Variants in PLXDC2 observed in about 807,000 individuals in gnomAD.
PLXDC2 encodes plexin domain containing 2.
PLXDC2 carries 40 observed loss-of-function variants against 68.9 expected under a neutral mutation model. The observed-to-expected ratio is 0.58, with a 90% CI of 0.45 to 0.76. The LOEUF is 0.76. Among genes scored for constraint, PLXDC2 ranks in the 30% least tolerant of loss-of-function variants. PLXDC2 has a pLI of 0.00. For missense variants in PLXDC2, 644 were observed against 661.9 expected, an observed-to-expected ratio of 0.97 and a Z score of 0.30; for synonymous variants, 243 against 234.2, an observed-to-expected ratio of 1.04 and a Z score of -0.34.
At chr10:20,207,593 A>G (rs1233828223) in intron 9 of PLXDC2, among the ~76,000 whole-genome samples, 1 of 152,168 alleles carries the variant, frequency 6.6e-6, no homozygotes. Flanking sequence ...ATACATCCCC[A>G]TCTTCCAAAA....
chr10:20,015,162 G>A (rs1165374182), intron 2 of PLXDC2, among the ~76,000 whole-genome samples: 1 of 152,164 alleles, frequency 6.6e-6, no homozygotes, highest in Non-Finnish European at 1.5e-5. Context: ...TCCTCTCTCT[G>A]CTCAATGGCC....
chr10:20,287,866 G>A lies in PLXDC2; in HGVS notation c.*8047G>A, dbSNP rs1034815655. 4 of 151,536 alleles carry A rather than the reference G, an allele frequency of 2.6e-5. No individual in the cohort carries two copies. Among genetic ancestry groups the A allele is most frequent in the South Asian group, 2.1e-4 (1 of 4,788 alleles). 9.4% of individuals were successfully genotyped at this position (151,536 alleles called of 1,614,324 possible). A position where few individuals can be genotyped will look rare whatever the true frequency, so the allele number is the denominator to read the frequency against. On this transcript the variant is annotated 3_prime_UTR_variant, in exon 14 of 14. Coordinates refer to ENST00000377252, the MANE Select transcript of PLXDC2 (RefSeq NM_032812.9). ...AGAGAGTCTTTTTTATATGCCAGCTGGGATCATGGGAACTTCGAATGCCAG... is the reference window on the plus strand; with the variant it reads ...AGAGAGTCTTTTTTATATGCCAGCTAGGATCATGGGAACTTCGAATGCCAG...
At chr10:20,027,706 C>G (rs2884509) in intron 2 of PLXDC2, among the ~76,000 whole-genome samples, 1 of 148,776 alleles carries the variant, frequency 6.7e-6, no homozygotes, top group Middle Eastern at 3.3e-3. Context: ...AAAAAAAAAA[C>G]CCCATAAAAT....
chr10:20,075,413 C>T (rs1339018020), intron 4 of PLXDC2, among the ~76,000 whole-genome samples: 2 of 152,140 alleles, frequency 1.3e-5, no homozygotes, highest in Non-Finnish European at 2.9e-5. Flanking sequence ...TGATCTCAAA[C>T]TCCTAGCCTC....
chr10:20,044,040 A>G (rs1835731531), intron 2 of PLXDC2, among the ~76,000 whole-genome samples: 1 of 151,332 alleles, frequency 6.6e-6, no homozygotes, highest in South Asian at 2.1e-4. Flanking sequence ...GGAAGTGAAC[A>G]AGTCCAGTAG....
At chr10:20,023,012 A>G (rs1485099041) in intron 2 of PLXDC2, among the ~76,000 whole-genome samples, 1 of 151,200 alleles carries the variant, frequency 6.6e-6, no homozygotes, top group Non-Finnish European at 1.5e-5. Context: ...GAGCCTGGAT[A>G]TTATTATAAC....
chr10:20,227,713 A>G (rs1220521076), intron 12 of PLXDC2, among the ~76,000 whole-genome samples: 6 of 152,148 alleles, frequency 3.9e-5, no homozygotes, highest in African/African-American at 1.4e-4. Flanking sequence ...CGTTTGTGTC[A>G]TTTTGACAAG....
chr10:20,066,739 T>C (rs1161852051), intron 3 of PLXDC2, among the ~76,000 whole-genome samples: 1 of 152,182 alleles, frequency 6.6e-6, no homozygotes, highest in Non-Finnish European at 1.5e-5. Context: ...TCATGCCAAA[T>C]AAGTAATTAG....
chr10:20,229,493 C>T (rs183742221), intron 12 of PLXDC2, among the ~76,000 whole-genome samples: 11 of 123,318 alleles, frequency 8.9e-5, no homozygotes, highest in African/African-American at 3.2e-4. Flanking sequence ...GTATTACTCA[C>T]GTAATATGCT....
At chr10:19,968,348 T>C (rs889212746) in intron 1 of PLXDC2, among the ~76,000 whole-genome samples, 1 of 152,210 alleles carries the variant, frequency 6.6e-6, no homozygotes, top group Non-Finnish European at 1.5e-5. Flanking sequence ...GGTCTCACTC[T>C]GTCTCCCAGG....
At chr10:20,201,391 G>A (rs1162817316) in intron 9 of PLXDC2, among the ~76,000 whole-genome samples, 1 of 151,950 alleles carries the variant, frequency 6.6e-6, no homozygotes, top group African/African-American at 2.4e-5. Context: ...ATTCGAGGCT[G>A]GGAAGAGTAG....
At chr10:20,273,616 A>C (rs1835967825) in intron 13 of PLXDC2, among the ~76,000 whole-genome samples, 1 of 152,246 alleles carries the variant, frequency 6.6e-6, no homozygotes, top group African/African-American at 2.4e-5. Flanking sequence ...ATGTACAACC[A>C]CAATATGTGA....
chr10:19,940,568 AT>A (rs1307457495), intron 1 of PLXDC2, among the ~76,000 whole-genome samples: 2 of 151,638 alleles, frequency 1.3e-5, no homozygotes, highest in Admixed American at 6.6e-5. Flanking sequence ...AAAACAAACA[AT>A]TTTTCTTGGA....
chr10:20,229,242 T>C (rs1338592037), intron 12 of PLXDC2, among the ~76,000 whole-genome samples: 2 of 152,024 alleles, frequency 1.3e-5, no homozygotes, highest in African/African-American at 2.4e-5. Flanking sequence ...AAGATTGCTC[T>C]TTTCTCCATA....
At chr10:20,231,479 A>G (rs1164281749) in intron 12 of PLXDC2, among the ~76,000 whole-genome samples, 1 of 151,638 alleles carries the variant, frequency 6.6e-6, no homozygotes, top group Non-Finnish European at 1.5e-5. Context: ...TTAAAATTAA[A>G]AACTCATGTG....
At chr10:20,024,811 C>T (rs1043959845) in intron 2 of PLXDC2, among the ~76,000 whole-genome samples, 5 of 152,112 alleles carry the variant, frequency 3.3e-5, no homozygotes, top group Admixed American at 3.3e-4. Context: ...TAAGTGAGAA[C>T]ATGCAGTATT....
intron 1 of PLXDC2, among the ~76,000 whole-genome samples, chr10:19,948,032 G>A (rs1228074438): frequency 6.6e-6 from 1 of 152,318 alleles, no homozygotes; most frequent in Middle Eastern, 3.4e-3. Context: ...TGTACAGTGA[G>A]TAAGCACTTT....
chr10:20,185,579 A>C (rs1834671362), intron 9 of PLXDC2, among the ~76,000 whole-genome samples: 1 of 152,042 alleles, frequency 6.6e-6, no homozygotes, highest in Non-Finnish European at 1.5e-5. Context: ...TTTGTAAATT[A>C]AAATAAATCA....
At position 19,824,241 on chromosome 10, in the gene PLXDC2, AT is replaced by A. The variant is rs1311701883; in HGVS notation, c.112+7053del. 7.9e-5 allele frequency among the ~76,000 whole-genome samples: 12 copies of A among 152,286 alleles called. No homozygotes were observed. In the South Asian group the frequency reaches 2.5e-3, roughly 32 times the overall value. ...ATAAATAGTACCTAGGAGTTTTACC[AT>A]TTAACTTTTGGTTTCTTGAAATCTC... On this transcript the variant is annotated intron_variant, in intron 1 of 13. Coordinates refer to ENST00000377252, the MANE Select transcript of PLXDC2 (RefSeq NM_032812.9).
Sources: allele counts gnomAD v4.1 joint callset (sites outside exome capture counted in the v4.1 genomes callset), GRCh38; gene constraint gnomAD v4.1.1; transcripts MANE v1.5; gene names NCBI Gene and HGNC (gene_info 2026-07-23, HGNC 2026-07-21).